The following SCARF1 variants were observed in gnomAD, a reference collection of about 807,000 sequenced individuals.
SCARF1 encodes scavenger receptor class F member 1.
Under a neutral mutation model 76.3 loss-of-function variants are expected in SCARF1, and 49 were observed. The ratio of observed to expected loss-of-function variants is 0.64; its 90% CI spans 0.51 to 0.81. The LOEUF is 0.81. SCARF1 is among the 40% of genes least tolerant of loss of function. The probability of loss-of-function intolerance (pLI) is 0.00; values close to 1 mark genes in which losing one functional copy is unlikely to be tolerated. For missense variants in SCARF1, 1,098 were observed against 1,143.9 expected (o/e 0.96, Z 0.58); for synonymous variants, 495 against 474.6 (o/e 1.04, Z -0.56).
chr17:1,640,413 GGTGTACCC>G lies in SCARF1; in HGVS notation c.1010+27_1010+34del, dbSNP rs1567664391. 3.3e-6 allele frequency: 5 copies of G among 1,519,730 alleles called. No individual in the cohort carries two copies. In the South Asian group the frequency reaches 6.0e-5, roughly 18 times the overall value. 94.1% of individuals were successfully genotyped at this position (1,519,730 alleles called of 1,614,324 possible). ...CGCTGAGCTGAGGGTCCTGGGGGAA[GGTGTACCC>G]CACCCTGAACAGAATGGTGCCCTCA... On this transcript the variant is annotated intron_variant, in intron 5 of 10. Transcript: ENST00000263071. This position sits in a 1 kb window ranked among gnomAD's most constrained non-coding sequence, Gnocchi z 4.7.
chr17:1,645,126 C>T lies in SCARF1; in HGVS notation c.163+52G>A. 3 of 1,609,808 alleles carry T rather than the reference C, an allele frequency of 1.9e-6. No homozygotes were observed. The South Asian group carries it at 3.3e-5, about 18-fold the overall frequency. ...ATGGGGTAGGAAGGAAGGGTTGTCA[C>T]TGGGCTACGGCCTCCCTTCTCCTTG... On this transcript the variant is annotated intron_variant, in intron 2 of 10. Coordinates refer to ENST00000263071, the MANE Select transcript of SCARF1 (RefSeq NM_003693.4). This position sits in a 1 kb window ranked among gnomAD's most constrained non-coding sequence, Gnocchi z 6.3.
At chr17:1,636,406 G>A (rs1034970895) in intron 10 of SCARF1, among the ~76,000 whole-genome samples, 3 of 152,112 alleles carry the variant, frequency 2.0e-5, no homozygotes, top group Admixed American at 6.6e-5. Context: ...AGGCTGAGGC[G>A]GGTGGATCAC....
chr17:1,638,144 C>T (rs1909733688), intron 8 of SCARF1: 2 of 152,232 alleles, frequency 1.3e-5, no homozygotes, highest in African/African-American at 2.4e-5. Flanking sequence ...ATCCTCCCGG[C>T]CCCACACTCC....
chr17:1,643,109 C>T (rs60253582), intron 4 of SCARF1, among the ~76,000 whole-genome samples: 3,019 of 150,702 alleles, frequency 0.02, 103 homozygotes, highest in African/African-American at 0.07. Flanking sequence ...GTCTCCGCTC[C>T]GCCCCGCCCG....
At chr17:1,636,666 G>A in intron 10 of SCARF1, 43 bp downstream of exon 10, 1 of 1,601,104 alleles carries the variant, frequency 6.2e-7, no homozygotes, top group Non-Finnish European at 8.5e-7. Flanking sequence ...GGGTCGTGGT[G>A]GGCAGGGCTG....
rs758770965 is a variant in SCARF1, at chr17:1,644,901, G to C, written c.198C>G (p.Asp66Glu). The change falls in exon 3 of 11, where the codon GAC becomes GAG. Residue 66 changes from aspartate to glutamate, a missense_variant. Transcript: ENST00000263071. This position sits in a 1 kb window ranked among gnomAD's most constrained non-coding sequence, Gnocchi z 4.8. Reference protein sequence around the residue: ...ICEGPDACQKDEVCVKPGLCR... With the variant: ...ICEGPDACQKEEVCVKPGLCR... Reference sequence around the variant, plus strand: ...AGAGGCCCGGCTTCACACACACCTCGTCTTTCTGGCAGGCGTCCGGCCCCT... The same window carrying C: ...AGAGGCCCGGCTTCACACACACCTCCTCTTTCTGGCAGGCGTCCGGCCCCT... 6.2e-7 allele frequency: 1 copy of C among 1,613,492 alleles called. No homozygotes were observed. Among genetic ancestry groups the C allele is most frequent in the South Asian group, 1.1e-5 (1 of 91,056 alleles).
In SCARF1 at chr17:1,635,634, A is replaced by T. The variant is rs1909494799; in HGVS notation, c.1634-17T>A. Reference sequence around the variant, plus strand: ...GGACCATCCCTGGCAGAGGAGACAGAAGAGCTTGGCTGGAGCTGAACTGGC... The same window carrying T: ...GGACCATCCCTGGCAGAGGAGACAGTAGAGCTTGGCTGGAGCTGAACTGGC... On this transcript the variant is annotated splice_polypyrimidine_tract_variant and intron_variant, in intron 10 of 10. Transcript: ENST00000263071. The T allele has an allele frequency of 1.9e-6, 3 of 1,593,054 alleles. No individual in the cohort carries two copies. The highest frequency in any genetic ancestry group is 2.6e-6 in the Non-Finnish European group (3 of 1,176,360).
chr17:1,644,327 C>T lies in SCARF1; in HGVS notation c.266-360G>A, dbSNP rs1336244892. On this transcript the variant is annotated intron_variant, in intron 3 of 10. Coordinates refer to ENST00000263071, the MANE Select transcript of SCARF1 (RefSeq NM_003693.4). The surrounding 1 kb of genome is among the most constrained non-coding windows in gnomAD (Gnocchi z 4.8). ...CTCTGCTGGGCTGGAGGAGAGCTGG[C>T]TTTCTCCTGATCTCAGGCCTGGATA... The T allele has an allele frequency of 6.9e-6, 2 of 289,810 alleles. No individual in the cohort carries two copies. Among genetic ancestry groups the T allele is most frequent in the Non-Finnish European group, 1.3e-5 (2 of 155,922 alleles). The allele number at this position is 289,810 out of a possible 1,614,324, so 18.0% of individuals were successfully genotyped here. A position where few individuals can be genotyped will look rare whatever the true frequency, so the allele number is the denominator to read the frequency against.
chr17:1,636,688 T>C lies in SCARF1; in HGVS notation c.1633+21A>G, dbSNP rs748032033. 2.5e-6 allele frequency: 4 copies of C among 1,612,610 alleles called. No homozygotes were observed. In the African/African-American group the frequency reaches 4.0e-5, roughly 16 times the overall value. On this transcript the variant is annotated intron_variant, in intron 10 of 10. Coordinates refer to ENST00000263071, the MANE Select transcript of SCARF1 (RefSeq NM_003693.4). ...GGTGGGCAGGGCTGCTCAGGGGCTA[T>C]GTGGGCTGTTGGGGGGCTACCTTCT...
intron 4 of SCARF1, among the ~76,000 whole-genome samples, chr17:1,643,125 A>G (rs1460420312): frequency 2.2e-5 from 1 of 45,560 alleles, no homozygotes; most frequent in Non-Finnish European, 4.2e-5. Flanking sequence ...GCCCGCTCAC[A>G]GGTCTCCGCG....
At position 1,636,740 on chromosome 17, in the gene SCARF1, C is replaced by G; in HGVS notation, c.1602G>C (p.Glu534Asp). Residue 534 changes from glutamate (E) to aspartate (D), a missense_variant, in exon 10 of 11, where the codon GAG becomes GAC. Transcript: ENST00000263071. The part of the protein sequence containing the change: ...SSDPESGEAD[E>D]VPAYCVPPQE... ...GGGGTGGCACACAGTAGGCAGGAAC[C>G]TCATCTGCCTCTCCAGACTCAGGAT... 2 of 1,614,086 alleles carry G rather than the reference C, an allele frequency of 1.2e-6. No individual in the cohort carries two copies. The highest frequency in any genetic ancestry group is 1.3e-5 in the African/African-American group (1 of 75,036).
rs779108355 is a variant in SCARF1, at chr17:1,644,690, CTG to C, written c.265+142_265+143del. On this transcript the variant is annotated intron_variant, in intron 3 of 10. Transcript: ENST00000263071. This position sits in a 1 kb window ranked among gnomAD's most constrained non-coding sequence, Gnocchi z 4.8. Reference sequence around the variant, plus strand: ...CGGGAGTGTGTGTCACTTCCTGTCTCTGGACCGCAATTCCTCAGTGAAGCTGG... The same window carrying C: ...CGGGAGTGTGTGTCACTTCCTGTCTCGACCGCAATTCCTCAGTGAAGCTGG... 9.2e-5 allele frequency: 72 copies of C among 778,900 alleles called. No homozygotes were observed. The highest frequency in any genetic ancestry group is 1.4e-4 in the Non-Finnish European group (67 of 478,614). 48.2% of individuals were successfully genotyped at this position (778,900 alleles called of 1,614,324 possible).
chr17:1,645,410 C>T lies in SCARF1; in HGVS notation c.102-171G>A. On this transcript the variant is annotated intron_variant, in intron 1 of 10. Transcript: ENST00000263071. This position sits in a 1 kb window ranked among gnomAD's most constrained non-coding sequence, Gnocchi z 6.3. ...GCCCCTCCCCTCTCCTTCCCTGACC[C>T]TTCCACCATCTGCCCTGGCTGGCCA... The T allele has an allele frequency of 7.0e-7, 1 of 1,436,548 alleles. No homozygotes were observed. Among genetic ancestry groups the T allele is most frequent in the Non-Finnish European group, 9.4e-7 (1 of 1,065,952 alleles). The allele number at this position is 1,436,548 out of a possible 1,614,324, so 89.0% of individuals were successfully genotyped here.
chr17:1,638,824 C>T lies in SCARF1; in HGVS notation c.1346G>A (p.Arg449Gln), dbSNP rs1347567281. 24 of 1,608,874 alleles carry T rather than the reference C, an allele frequency of 1.5e-5. No homozygotes were observed. The South Asian group carries it at 1.9e-4, about 13-fold the overall frequency. ...CGTTCACCTGTCCTTGAGGTCTGAT[C>T]GGGGGGCCCAGCAGCAGCAGGCACA... Reference protein sequence around the residue: ...ACCACCCWAPRSDLKDRPARD... With the variant: ...ACCACCCWAPQSDLKDRPARD... The change falls in exon 8 of 11, where the codon CGA becomes CAA. Residue 449 changes from arginine to glutamine, a missense_variant. Transcript: ENST00000263071.
chr17:1,642,921 C>G (rs1422925825), intron 4 of SCARF1, among the ~76,000 whole-genome samples: 1 of 152,076 alleles, frequency 6.6e-6, no homozygotes, highest in African/African-American at 2.4e-5. Flanking sequence ...AGGATGGTCT[C>G]GAACTCCTGA....
chr17:1,643,435 C>T lies in SCARF1; in HGVS notation c.791+7G>A, dbSNP rs1053858232. 1.9e-5 allele frequency: 24 copies of T among 1,236,210 alleles called. No individual in the cohort carries two copies. In the African/African-American group the frequency reaches 3.2e-4, roughly 16 times the overall value. 76.6% of individuals were successfully genotyped at this position (1,236,210 alleles called of 1,614,324 possible). On this transcript the variant is annotated splice_region_variant and intron_variant, in intron 4 of 10. Transcript: ENST00000263071. ...CCAGCCCACCTGTCCCCGCCCCGCC[C>T]GCTCACCTGTGTGCGCACTGCACCC...
intron 4 of SCARF1, among the ~76,000 whole-genome samples, chr17:1,643,006 T>C (rs1910174602): frequency 1.3e-5 from 2 of 152,020 alleles, no homozygotes; most frequent in South Asian, 4.1e-4. Flanking sequence ...CTATCCGACT[T>C]TTCCCCTTTC....
In SCARF1 at chr17:1,640,804, C is replaced by T. The variant is rs1407628709; in HGVS notation, c.792-138G>A. 11 of 713,056 alleles carry T rather than the reference C, an allele frequency of 1.5e-5. No individual in the cohort carries two copies. In the East Asian group the frequency reaches 2.7e-4, roughly 18 times the overall value. The allele number at this position is 713,056 out of a possible 1,614,324, so 44.2% of individuals were successfully genotyped here. On this transcript the variant is annotated intron_variant, in intron 4 of 10. Coordinates refer to ENST00000263071, the MANE Select transcript of SCARF1 (RefSeq NM_003693.4). This position sits in a 1 kb window ranked among gnomAD's most constrained non-coding sequence, Gnocchi z 4.7. ...CCCACCTGGGTCAGGCAGGTTTGAG[C>T]CTCAGTTTCCCCACGTTGTACAATG... is the stretch of plus-strand genomic sequence containing the variant.
rs776540813 is a variant in SCARF1, at chr17:1,635,162, T to C, written c.2089A>G (p.Lys697Glu). 6.2e-7 allele frequency: 1 copy of C among 1,613,456 alleles called. No individual in the cohort carries two copies. Among genetic ancestry groups the C allele is most frequent in the Non-Finnish European group, 8.5e-7 (1 of 1,180,012 alleles). The change falls in exon 11 of 11, where the codon AAG becomes GAG. Residue 697 changes from lysine (K) to glutamate (E), a missense_variant. Coordinates refer to ENST00000263071, the MANE Select transcript of SCARF1 (RefSeq NM_003693.4). ...PVTTIYMLAG[K>E]PRGSEGPVRS... ...ACAGGGCCTTCGGATCCGCGGGGCTTCCCTGCCAGCATGTAGATCGTGGTC... is the reference window on the plus strand; with the variant it reads ...ACAGGGCCTTCGGATCCGCGGGGCTCCCCTGCCAGCATGTAGATCGTGGTC...
Sources: allele counts gnomAD v4.1 joint callset (sites outside exome capture counted in the v4.1 genomes callset), GRCh38; gene constraint gnomAD v4.1.1; non-coding constraint Gnocchi (gnomAD v3.1); transcripts MANE v1.5; gene names NCBI Gene and HGNC (gene_info 2026-07-23, HGNC 2026-07-21).